Variants in CACNA1C observed in about 807,000 individuals in gnomAD.
CACNA1C encodes the protein calcium voltage-gated channel subunit alpha1 C.
A neutral mutation model predicts 229.0 loss-of-function variants in CACNA1C; 30 were observed. The ratio of observed to expected loss-of-function variants is 0.13; its 90% confidence interval spans 0.10 to 0.18. CACNA1C has a LOEUF of 0.18. CACNA1C is among the 10% of genes least tolerant of loss of function. CACNA1C has a pLI of 1.00. For missense variants in CACNA1C, 1,658 were observed against 2,845.0 expected (o/e 0.58, Z 9.49); for synonymous variants, 1,114 against 1,132.5 (o/e 0.98, Z 0.33).
chr12:1,989,282 G>C (rs562433471), intron 1 of CACNA1C, among the ~76,000 whole-genome samples: 26 of 152,336 alleles, frequency 1.7e-4, no homozygotes, highest in African/African-American at 5.8e-4. Context: ...GTTGCAATGA[G>C]GCTATGACCA....
At chr12:2,202,247 G>C (rs565494400) in intron 3 of CACNA1C, among the ~76,000 whole-genome samples, 10 of 152,200 alleles carry the variant, frequency 6.6e-5, no homozygotes, top group Non-Finnish European at 1.3e-4. Flanking sequence ...ACTGAGCCCA[G>C]GCTGCCATGT....
chr12:1,998,637 A>G (rs1467671575), intron 1 of CACNA1C, among the ~76,000 whole-genome samples: 2 of 152,224 alleles, frequency 1.3e-5, no homozygotes, highest in Non-Finnish European at 2.9e-5. Context: ...GAGAGGTGGT[A>G]AAGTTAAAAT....
intron 3 of CACNA1C, among the ~76,000 whole-genome samples, chr12:2,256,352 T>A (rs796823578): frequency 6.6e-6 from 1 of 152,188 alleles, no homozygotes. Context: ...AACACATAAT[T>A]GGAACTGTTT....
At chr12:2,318,036 C>T (rs956415762) in intron 3 of CACNA1C, among the ~76,000 whole-genome samples, 4 of 152,164 alleles carry the variant, frequency 2.6e-5, no homozygotes, top group East Asian at 1.9e-4. Flanking sequence ...GAGCAGGGGG[C>T]GAGCCGAGGG....
At chr12:2,236,632 C>CA (rs1316276476) in intron 3 of CACNA1C, among the ~76,000 whole-genome samples, 6 of 152,080 alleles carry the variant, frequency 3.9e-5, no homozygotes, top group Non-Finnish European at 7.3e-5. Context: ...TCTCAGTTAC[C>CA]ATTATATGCA....
At chr12:2,046,377 G>A (rs549165289) in intron 1 of CACNA1C, among the ~76,000 whole-genome samples, 5 of 152,122 alleles carry the variant, frequency 3.3e-5, no homozygotes, top group Admixed American at 1.3e-4. Flanking sequence ...GTGACTGAGC[G>A]CTTCCCTTGG....
At chr12:2,527,015 T>G (rs1387337363) in intron 9 of CACNA1C, among the ~76,000 whole-genome samples, 1 of 152,248 alleles carries the variant, frequency 6.6e-6, no homozygotes, top group Non-Finnish European at 1.5e-5. Context: ...GGTTTATCCT[T>G]TCTGAATATA....
intron 3 of CACNA1C, among the ~76,000 whole-genome samples, chr12:2,339,703 T>C (rs529282017): frequency 1.3e-5 from 2 of 152,350 alleles, no homozygotes; most frequent in African/African-American, 4.8e-5. Flanking sequence ...ACGCAGGTCA[T>C]CAAGATGTCA....
intron 1 of CACNA1C, among the ~76,000 whole-genome samples, chr12:2,062,483 A>G (rs7297992): frequency 0.21 from 31,784 of 152,146 alleles, 5,302 homozygotes; most frequent in East Asian, 0.58. Context: ...GTAGAAAGAG[A>G]AACCCACTAT....
intron 3 of CACNA1C, among the ~76,000 whole-genome samples, chr12:2,265,688 T>C (rs1165594333): frequency 6.6e-6 from 1 of 152,210 alleles, no homozygotes; most frequent in African/African-American, 2.4e-5. Flanking sequence ...CATAAACCCA[T>C]GGTGCAATGG....
chr12:2,131,775 C>T (rs2154172833), intron 3 of CACNA1C, among the ~76,000 whole-genome samples: 1 of 150,254 alleles, frequency 6.7e-6, no homozygotes, highest in South Asian at 2.1e-4. Context: ...TTAGGATTGA[C>T]TTGGCAATGC....
intron 3 of CACNA1C, among the ~76,000 whole-genome samples, chr12:2,272,429 A>G (rs2085489235): frequency 6.6e-6 from 1 of 152,086 alleles, no homozygotes. Context: ...TCTGCCTCGT[A>G]TCATCAGTCA....
chr12:2,568,869 T>TA (rs943931381), intron 13 of CACNA1C, among the ~76,000 whole-genome samples: 6 of 151,210 alleles, frequency 4.0e-5, no homozygotes, highest in Admixed American at 6.6e-5. Flanking sequence ...TTCTACAGTT[T>TA]AAAAAAAAAG....
rs1462983121 is a variant in CACNA1C, at chr12:2,666,328, G to T, written c.4527-358G>T. Among the ~76,000 whole-genome samples, 1 of 152,182 alleles carries T rather than the reference G, an allele frequency of 6.6e-6. No homozygotes were observed. Among genetic ancestry groups the T allele is most frequent in the East Asian group, 1.9e-4 (1 of 5,198 alleles). ...AATCTTGATTCCATTCCCGCTTCTG[G>T]TCTAAAGATCAATCACATTCGGCTG... is the stretch of plus-strand genomic sequence containing the variant. On this transcript the variant is annotated intron_variant, in intron 36 of 46. Coordinates refer to ENST00000399655, the MANE Select transcript of CACNA1C (RefSeq NM_000719.7). This position sits in a 1 kb window ranked among gnomAD's most constrained non-coding sequence, Gnocchi z 5.3.
chr12:2,291,442 G>A (rs1164171742), intron 3 of CACNA1C, among the ~76,000 whole-genome samples: 1 of 152,204 alleles, frequency 6.6e-6, no homozygotes, highest in Admixed American at 6.5e-5. Context: ...TGGTGAGCAG[G>A]ACACCAGGAG....
In CACNA1C at chr12:2,678,560, T is replaced by C. The variant is rs2096941303; in HGVS notation, c.5091+693T>C. On this transcript the variant is annotated intron_variant, in intron 41 of 46. Coordinates refer to ENST00000399655, the MANE Select transcript of CACNA1C (RefSeq NM_000719.7). The surrounding 1 kb of genome is among the most constrained non-coding windows in gnomAD (Gnocchi z 4.1). ...GCAAGGGAGAAGCTGCCAGCCATAA[T>C]TGTGCAGGACCCTGCTCACACCGCT... 1.3e-5 allele frequency among the ~76,000 whole-genome samples: 2 copies of C among 152,244 alleles called. No homozygotes were observed. Among genetic ancestry groups the C allele is most frequent in the South Asian group, 2.1e-4 (1 of 4,834 alleles).
chr12:2,128,204 T>G (rs1459008458), intron 3 of CACNA1C, among the ~76,000 whole-genome samples: 1 of 152,200 alleles, frequency 6.6e-6, no homozygotes, highest in Non-Finnish European at 1.5e-5. Context: ...AACTTAGGAC[T>G]GTATGAAACC....
intron 1 of CACNA1C, among the ~76,000 whole-genome samples, chr12:2,110,687 T>A (rs999601880): frequency 1.3e-5 from 2 of 152,162 alleles, no homozygotes; most frequent in Non-Finnish European, 2.9e-5. Flanking sequence ...TGTGCCACCC[T>A]GTTGTGGGTG....
rs889281608 is a variant in CACNA1C at position 2,652,361 on chromosome 12, T to C, written c.4074+593T>C. Among the ~76,000 whole-genome samples, 4 of 152,158 alleles carry C rather than the reference T, an allele frequency of 2.6e-5. No homozygotes were observed. In the East Asian group the frequency reaches 7.7e-4, roughly 29 times the overall value. On this transcript the variant is annotated intron_variant, in intron 32 of 46. Transcript: ENST00000399655. ...CCATTGTTTTCCCATTAAAACAGAG[T>C]GACAATCAGCCCCTGCCAGCTCGGA...
Sources: allele counts gnomAD v4.1 joint callset (sites outside exome capture counted in the v4.1 genomes callset), GRCh38; gene constraint gnomAD v4.1.1; non-coding constraint Gnocchi (gnomAD v3.1); transcripts MANE v1.5; gene names NCBI Gene and HGNC (gene_info 2026-07-23, HGNC 2026-07-21).